Variants in SOX5 observed in about 807,000 individuals in gnomAD.
SOX5 encodes transcription factor SOX-5.
A neutral mutation model predicts 92.0 loss-of-function variants in SOX5; 9 were observed. The observed-to-expected ratio is 0.10, with a 90% CI of 0.06 to 0.17. SOX5 has a LOEUF of 0.17. Among genes scored for constraint, SOX5 ranks in the 10% least tolerant of loss-of-function variants. The probability of loss-of-function intolerance (pLI) is 1.00; values close to 1 mark genes in which losing one functional copy is unlikely to be tolerated. For missense variants in SOX5, 642 were observed against 944.5 expected, an observed-to-expected ratio of 0.68 and a Z score of 4.20; for synonymous variants, 344 against 336.3, an observed-to-expected ratio of 1.02 and a Z score of -0.25.
Position 23,534,231 on chromosome 12 carries a change from T to C in SOX5, c.2280A>G (p.Gly760=). The C allele has an allele frequency of 6.2e-7, 1 of 1,613,852 alleles. No individual in the cohort carries two copies. The highest frequency in any genetic ancestry group is 1.3e-5 in the African/African-American group (1 of 75,050). The change falls in exon 15 of 15, where the codon GGA becomes GGG. Residue 760 remains glycine (G), a synonymous_variant. Transcript: ENST00000451604. ...CTTTTGACCCTTATCAGTTGGCTTGTCCTGCAATATGGTTTTCACTGTCAC... is the reference window on the plus strand; with the variant it reads ...CTTTTGACCCTTATCAGTTGGCTTGCCCTGCAATATGGTTTTCACTGTCAC... ...YGSDSENHIA[G]QAN
At chr12:24,438,937 A>G (rs556553846) in intron 1 of SOX5, among the ~76,000 whole-genome samples, 5 of 152,396 alleles carry the variant, frequency 3.3e-5, no homozygotes, top group African/African-American at 1.2e-4. Context: ...CTCCAGTTTT[A>G]AAAGAAGTTC....
intron 1 of SOX5, among the ~76,000 whole-genome samples, chr12:24,490,564 T>C (rs980271081): frequency 6.6e-6 from 1 of 152,148 alleles, no homozygotes; most frequent in Non-Finnish European, 1.5e-5. Context: ...CAGCAATTTT[T>C]TTCCACTTAC....
intron 4 of SOX5, among the ~76,000 whole-genome samples, chr12:24,031,451 T>C (rs370100431): frequency 1.3e-5 from 2 of 151,938 alleles, no homozygotes; most frequent in East Asian, 3.9e-4. Context: ...ATACTGTATG[T>C]TCTAATTTAC....
At chr12:24,554,980 A>C (rs1056144021) in intron 1 of SOX5, among the ~76,000 whole-genome samples, 8 of 152,200 alleles carry the variant, frequency 5.3e-5, no homozygotes, top group African/African-American at 1.9e-4. Context: ...AAGAAAAGAG[A>C]CTTTCTATTA....
chr12:24,318,448 T>C (rs1949912418), intron 2 of SOX5, among the ~76,000 whole-genome samples: 2 of 152,192 alleles, frequency 1.3e-5, no homozygotes, highest in Admixed American at 6.5e-5. Context: ...ATGACATAGA[T>C]GAGCCTGTGT....
chr12:23,865,991 C>A (rs2096808114), intron 2 of SOX5, among the ~76,000 whole-genome samples: 1 of 152,168 alleles, frequency 6.6e-6, no homozygotes, highest in South Asian at 2.1e-4. Context: ...TGAATTGCTA[C>A]AATCTCATGA....
intron 2 of SOX5, among the ~76,000 whole-genome samples, chr12:24,278,124 C>T (rs993903373): frequency 1.3e-5 from 2 of 152,138 alleles, no homozygotes; most frequent in African/African-American, 4.8e-5. Context: ...GCTATTAGTC[C>T]AATTCAAGGG....
At chr12:23,855,714 C>A (rs2096680004) in intron 2 of SOX5, among the ~76,000 whole-genome samples, 1 of 152,054 alleles carries the variant, frequency 6.6e-6, no homozygotes, top group South Asian at 2.1e-4. Context: ...ACAAATTCTC[C>A]ATTTTTGCTA....
At chr12:24,249,478 G>T (rs1230480901) in intron 3 of SOX5, among the ~76,000 whole-genome samples, 9 of 152,242 alleles carry the variant, frequency 5.9e-5, no homozygotes, top group Admixed American at 2.0e-4. Flanking sequence ...GGTTTTCGTG[G>T]TGTATCTTTT....
chr12:24,429,246 G>A (rs1412029153), intron 1 of SOX5, among the ~76,000 whole-genome samples: 1 of 152,086 alleles, frequency 6.6e-6, no homozygotes, highest in African/African-American at 2.4e-5. Context: ...GAACCTGGGA[G>A]GCGGAGCTTG....
At chr12:23,889,671 G>A (rs1031776252) in intron 2 of SOX5, among the ~76,000 whole-genome samples, 7 of 152,108 alleles carry the variant, frequency 4.6e-5, no homozygotes, top group Admixed American at 4.6e-4. Context: ...AGGATCTCAG[G>A]TGTATTTCCA....
At chr12:24,133,107 C>T (rs1224612360) in intron 4 of SOX5, among the ~76,000 whole-genome samples, 1 of 152,184 alleles carries the variant, frequency 6.6e-6, no homozygotes, top group Non-Finnish European at 1.5e-5. Context: ...ATATAAAGCA[C>T]TCACTGGCAT....
At chr12:24,257,370 T>C (rs1326943835) in intron 3 of SOX5, among the ~76,000 whole-genome samples, 4 of 152,204 alleles carry the variant, frequency 2.6e-5, no homozygotes, top group Non-Finnish European at 4.4e-5. Flanking sequence ...AAAATATGTG[T>C]ATATTATGCA....
At chr12:23,708,928 T>C (rs76835072) in intron 6 of SOX5, among the ~76,000 whole-genome samples, 3,907 of 152,138 alleles carry the variant, frequency 0.026, 174 homozygotes, top group African/African-American at 0.089. Context: ...AAGGTACCTC[T>C]ATACTACACT....
intron 4 of SOX5, among the ~76,000 whole-genome samples, chr12:23,751,991 T>C (rs1025373379): frequency 2.1e-5 from 3 of 146,306 alleles, no homozygotes; most frequent in Non-Finnish European, 4.5e-5. Context: ...TTTTGTTAAA[T>C]TCTGGCACTT....
At chr12:23,634,248 A>G (rs894675153) in intron 8 of SOX5, among the ~76,000 whole-genome samples, 1 of 152,158 alleles carries the variant, frequency 6.6e-6, no homozygotes, top group Admixed American at 6.5e-5. Context: ...GTGGGGCGGT[A>G]CATTTGGAAA....
At chr12:24,204,711 G>A (rs888930943) in intron 4 of SOX5, among the ~76,000 whole-genome samples, 2 of 152,176 alleles carry the variant, frequency 1.3e-5, no homozygotes, top group African/African-American at 2.4e-5. Context: ...GGTTCAGTGT[G>A]TATGTAGATT....
At chr12:24,237,616 A>G (rs1239572009) in intron 3 of SOX5, among the ~76,000 whole-genome samples, 2 of 151,984 alleles carry the variant, frequency 1.3e-5, no homozygotes, top group African/African-American at 4.8e-5. Flanking sequence ...GCAACCTGAT[A>G]AGGAAAAAGG....
intron 2 of SOX5, among the ~76,000 whole-genome samples, chr12:24,356,397 C>G (rs1251209630): frequency 6.6e-6 from 1 of 152,108 alleles, no homozygotes; most frequent in African/African-American, 2.4e-5. Flanking sequence ...TGGTTTCTTT[C>G]TTTGCAGATT....
Sources: allele counts gnomAD v4.1 joint callset (sites outside exome capture counted in the v4.1 genomes callset), GRCh38; gene constraint gnomAD v4.1.1; transcripts MANE v1.5; gene names NCBI Gene and HGNC (gene_info 2026-07-23, HGNC 2026-07-21).